Variants in KCNC2 observed in about 807,000 individuals in gnomAD.
The protein encoded by KCNC2 is potassium voltage-gated channel subfamily C member 2, also known as voltage-gated potassium channel KCNC2.
KCNC2 carries 21 observed loss-of-function variants against 44.5 expected under a neutral mutation model. The ratio of observed to expected loss-of-function variants is 0.47; its 90% CI spans 0.33 to 0.68. The LOEUF (loss-of-function observed/expected upper bound fraction) is 0.68, where lower values mean the gene tolerates loss of function less well. Ranked by LOEUF, KCNC2 falls within the 30% of genes least tolerant of loss-of-function variation. The pLI is 0.01. For missense variants in KCNC2, 589 were observed against 826.2 expected (o/e 0.71, Z 3.52); for synonymous variants, 391 against 339.1 (o/e 1.15, Z -1.68).
chr12:75,102,318 C>CT (rs923318634), intron 2 of KCNC2, among the ~76,000 whole-genome samples: 10 of 151,168 alleles, frequency 6.6e-5, no homozygotes, highest in East Asian at 3.9e-4. Flanking sequence ...AAATCTGACT[C>CT]TTTTTTTTTC....
In KCNC2 at chr12:75,041,361, A is replaced by G. The variant is rs1879883205; in HGVS notation, c.*1744T>C. ...CTGGATAAATACATTGCTGTACAACATCTCCAACATGCAGGTCATGCTCTA... is the reference window on the plus strand; with the variant it reads ...CTGGATAAATACATTGCTGTACAACGTCTCCAACATGCAGGTCATGCTCTA... On this transcript the variant is annotated 3_prime_UTR_variant, in exon 5 of 5. Coordinates refer to ENST00000549446, the MANE Select transcript of KCNC2 (RefSeq NM_139137.4). 3 of 1,446,150 alleles carry G rather than the reference A, an allele frequency of 2.1e-6. No homozygotes were observed. The highest frequency in any genetic ancestry group is 1.4e-5 in the African/African-American group (1 of 70,520). The allele number at this position is 1,446,150 out of a possible 1,614,324, so 89.6% of individuals were successfully genotyped here.
intron 2 of KCNC2, among the ~76,000 whole-genome samples, chr12:75,060,770 C>T (rs1882239731): frequency 6.6e-6 from 1 of 152,118 alleles, no homozygotes; most frequent in Non-Finnish European, 1.5e-5. Flanking sequence ...TGCATCTGGA[C>T]ATAGAATTTT....
chr12:75,152,194 A>G lies in KCNC2; in HGVS notation c.687+55103T>C, dbSNP rs183641038. Among the ~76,000 whole-genome samples, 5 of 150,880 alleles carry G rather than the reference A, an allele frequency of 3.3e-5. No individual in the cohort carries two copies. In the East Asian group the frequency reaches 7.8e-4, roughly 24 times the overall value. On this transcript the variant is annotated intron_variant, in intron 2 of 4. Transcript: ENST00000549446. ...TCCAGGAGAAGATCTGAATGACTCAATCCTCAGATTGAGGAAGTTCTACAA... is the reference window on the plus strand; with the variant it reads ...TCCAGGAGAAGATCTGAATGACTCAGTCCTCAGATTGAGGAAGTTCTACAA...
chr12:75,101,986 T>C (rs1345511525), intron 2 of KCNC2, among the ~76,000 whole-genome samples: 1 of 152,048 alleles, frequency 6.6e-6, no homozygotes, highest in Non-Finnish European at 1.5e-5. Context: ...TAATAGTATG[T>C]CTCGGCGGAC....
chr12:75,046,808 A>T (rs1880574879), intron 4 of KCNC2, among the ~76,000 whole-genome samples: 2 of 151,924 alleles, frequency 1.3e-5, no homozygotes, highest in African/African-American at 2.4e-5. Flanking sequence ...TGGAATGGAG[A>T]GGTATTTAAA....
intron 2 of KCNC2, among the ~76,000 whole-genome samples, chr12:75,069,330 T>G (rs1259992481): frequency 1.3e-5 from 2 of 151,868 alleles, no homozygotes; most frequent in Admixed American, 1.3e-4. Flanking sequence ...GAGATGGGAT[T>G]TCTCCATGTT....
chr12:75,101,329 A>G (rs1255530698), intron 2 of KCNC2, among the ~76,000 whole-genome samples: 2 of 152,002 alleles, frequency 1.3e-5, no homozygotes, highest in East Asian at 3.9e-4. Context: ...GTGTTCAGAG[A>G]TGTGCTAATT....
rs115848075 is a variant in KCNC2 at position 75,042,413 on chromosome 12, C to A, written c.*692G>T. 4,900 of 1,590,156 alleles carry A rather than the reference C, an allele frequency of 3.1e-3. 124 individuals carry two copies. The African/African-American group carries it at 0.054, about 18-fold the overall frequency. ...ACCAGAGACATTCAGAACTCCAATA[C>A]AGCATTTTTGAAGAAAAGTAAATCA... On this transcript the variant is annotated 3_prime_UTR_variant, in exon 5 of 5. Transcript: ENST00000549446.
intron 2 of KCNC2, among the ~76,000 whole-genome samples, chr12:75,146,031 G>C (rs1890004274): frequency 6.8e-6 from 1 of 147,408 alleles, no homozygotes; most frequent in Admixed American, 6.8e-5. Context: ...TCTGTTCACT[G>C]CAGGTTCCAC....
chr12:75,138,979 TAAAAA>T lies in KCNC2; in HGVS notation c.687+68313_687+68317del, dbSNP rs373729570. 7.4e-4 allele frequency among the ~76,000 whole-genome samples: 58 copies of T among 77,926 alleles called. 1 individual carries two copies. Among genetic ancestry groups the T allele is most frequent in the African/African-American group, 1.3e-3 (24 of 18,562 alleles). The allele number at this position is 77,926 out of a possible 152,430, so 51.1% of individuals were successfully genotyped here. A position where few individuals can be genotyped will look rare whatever the true frequency, so the allele number is the denominator to read the frequency against. On this transcript the variant is annotated intron_variant, in intron 2 of 4. Coordinates refer to ENST00000549446, the MANE Select transcript of KCNC2 (RefSeq NM_139137.4). ...CTGGGCCACAGAGCGAGACTCCGTG[TAAAAA>T]AAAAAAAAAAAAAAAAAAAAAACCA...
intron 2 of KCNC2, among the ~76,000 whole-genome samples, chr12:75,074,116 T>C (rs2168903): frequency 0.16 from 24,955 of 151,948 alleles, 2,516 homozygotes; most frequent in Admixed American, 0.27. Context: ...GGTTTTAGGA[T>C]TGTCTTAAGA....
intron 2 of KCNC2, among the ~76,000 whole-genome samples, chr12:75,204,992 GGGTAAAAATTCCA>G (rs1457717291): frequency 6.6e-6 from 1 of 152,086 alleles, no homozygotes; most frequent in Non-Finnish European, 1.5e-5. Context: ...GGGTGGTAAA[GGGTAAAAATTCCA>G]GGAGCGAAAG....
chr12:75,184,143 T>C (rs1406362389), intron 2 of KCNC2, among the ~76,000 whole-genome samples: 1 of 152,184 alleles, frequency 6.6e-6, no homozygotes. Context: ...ATTATAACAC[T>C]TATATTTGAT....
chr12:75,074,665 C>G (rs543594683), intron 2 of KCNC2, among the ~76,000 whole-genome samples: 9 of 152,218 alleles, frequency 5.9e-5, no homozygotes, highest in Admixed American at 3.9e-4. Flanking sequence ...ATAAACCTGG[C>G]CTAAAAACTG....
chr12:75,043,680 T>C (rs1183456852), intron 4 of KCNC2: 3 of 1,360,720 alleles, frequency 2.2e-6, no homozygotes, highest in Non-Finnish European at 2.9e-6. Flanking sequence ...TAAAGCATAC[T>C]TAAGTTTAAA....
chr12:75,141,939 C>T (rs1889685215), intron 2 of KCNC2, among the ~76,000 whole-genome samples: 1 of 152,062 alleles, frequency 6.6e-6, no homozygotes, highest in South Asian at 2.1e-4. Flanking sequence ...AAATATACTG[C>T]CTTAGTATTC....
rs771282246 is a variant in KCNC2, at chr12:75,041,165, C to A, written c.*1940G>T. 58 of 1,596,458 alleles carry A rather than the reference C, an allele frequency of 3.6e-5. No homozygotes were observed. The highest frequency in any genetic ancestry group is 3.4e-6 in the Non-Finnish European group (4 of 1,178,614). On this transcript the variant is annotated 3_prime_UTR_variant, in exon 5 of 5. Coordinates refer to ENST00000549446, the MANE Select transcript of KCNC2 (RefSeq NM_139137.4). ...TTGGTATGGCTAAATTCCACTGTCC[C>A]TTTCTCAGCAGTCAATAATCCATGA...
intron 2 of KCNC2, among the ~76,000 whole-genome samples, chr12:75,201,779 C>T (rs897173048): frequency 6.6e-6 from 1 of 151,874 alleles, no homozygotes; most frequent in Non-Finnish European, 1.5e-5. Context: ...AATATTTTGA[C>T]TGCTCTTCTC....
chr12:75,166,215 T>G (rs918249501), intron 2 of KCNC2, among the ~76,000 whole-genome samples: 1 of 151,062 alleles, frequency 6.6e-6, no homozygotes, highest in African/African-American at 2.4e-5. Flanking sequence ...TTTATATAAT[T>G]TTATATATCT....
Sources: gnomAD v4.1 joint callset for allele counts (sites outside exome capture counted in the v4.1 genomes callset) on GRCh38, gnomAD v4.1.1 for gene constraint, MANE v1.5 for transcripts, NCBI Gene and HGNC (gene_info 2026-07-23, HGNC 2026-07-21) for gene names.